The following LY75 variants were observed in gnomAD, a reference collection of about 807,000 sequenced individuals.
LY75 encodes the protein C-type lectin domain family 13 member B.
Under a neutral mutation model 231.7 loss-of-function variants are expected in LY75, and 185 were observed. The ratio of observed to expected loss-of-function variants is 0.80; its 90% CI spans 0.71 to 0.90. The LOEUF is 0.90. LY75 is among the 40% of genes least tolerant of loss of function. The probability of loss-of-function intolerance (pLI) is 0.00; values close to 1 mark genes in which losing one functional copy is unlikely to be tolerated. For missense variants in LY75, 1,947 were observed against 2,050.2 expected (o/e 0.95, Z 0.97); for synonymous variants, 668 against 689.0 (o/e 0.97, Z 0.48).
intron 13 of LY75, among the ~76,000 whole-genome samples, chr2:159,866,388 G>A (rs1684859240): frequency 6.6e-6 from 1 of 151,824 alleles, no homozygotes. Flanking sequence ...CAACCTCAAG[G>A]CTTTTGGACT....
At chr2:159,840,176 A>C (rs1327902482) in intron 25 of LY75, among the ~76,000 whole-genome samples, 4 of 152,060 alleles carry the variant, frequency 2.6e-5, no homozygotes, top group African/African-American at 9.7e-5. Flanking sequence ...ATAAATAAAA[A>C]GAAGTGCTCA....
At chr2:159,880,027 T>C (rs1355874389) in intron 8 of LY75, among the ~76,000 whole-genome samples, 1 of 152,220 alleles carries the variant, frequency 6.6e-6, no homozygotes, top group Non-Finnish European at 1.5e-5. Flanking sequence ...GGAACACTTT[T>C]CCATTTCTGA....
intron 23 of LY75, among the ~76,000 whole-genome samples, chr2:159,846,871 G>A (rs774542134): frequency 1.4e-4 from 22 of 152,104 alleles, no homozygotes; most frequent in Non-Finnish European, 2.9e-4. Context: ...GATGAACTAC[G>A]AATGATTATT....
chr2:159,827,881 C>T (rs1208705005), intron 28 of LY75, among the ~76,000 whole-genome samples: 1 of 152,096 alleles, frequency 6.6e-6, no homozygotes, highest in African/African-American at 2.4e-5. Context: ...ACCGCATGTT[C>T]TCACTCATAA....
In LY75 at chr2:159,842,383, A is replaced by C; in HGVS notation, c.3151-9T>G. 1 of 1,605,492 alleles carries C rather than the reference A, an allele frequency of 6.2e-7. No homozygotes were observed. The highest frequency in any genetic ancestry group is 8.5e-7 in the Non-Finnish European group (1 of 1,175,210). ...GACTCTTCCTCAAAAAACTAAACAA[A>C]AAGGCAAATACATACATGCAATCAT... is the stretch of plus-strand genomic sequence containing the variant. On this transcript the variant is annotated splice_polypyrimidine_tract_variant and intron_variant, in intron 23 of 34. Transcript: ENST00000263636.
chr2:159,884,929 G>A (rs1374720088), intron 6 of LY75, among the ~76,000 whole-genome samples: 4 of 152,008 alleles, frequency 2.6e-5, no homozygotes, highest in East Asian at 1.9e-4. Context: ...TCTTCTGGGC[G>A]CATACATATT....
At chr2:159,825,973 T>G (rs1290075966) in intron 28 of LY75, among the ~76,000 whole-genome samples, 3 of 152,176 alleles carry the variant, frequency 2.0e-5, no homozygotes, top group Non-Finnish European at 4.4e-5. Flanking sequence ...ATAAGAGCTA[T>G]TCATGATAAA....
chr2:159,864,092 A>G (rs75023892), intron 14 of LY75, among the ~76,000 whole-genome samples: 1,677 of 152,272 alleles, frequency 0.011, 20 homozygotes, highest in African/African-American at 0.038. Context: ...GCATTTCTCA[A>G]AATGTATCCC....
chr2:159,814,780 A>G (rs72965390), intron 31 of LY75, among the ~76,000 whole-genome samples: 351 of 152,078 alleles, frequency 2.3e-3, no homozygotes, highest in Non-Finnish European at 3.9e-3. Flanking sequence ...GTGTTCCCCA[A>G]ATTTATATGT....
Position 159,898,873 on chromosome 2 carries a change from T to G in LY75, c.281A>C (p.Glu94Ala). 1 of 1,614,218 alleles carries G rather than the reference T, an allele frequency of 6.2e-7. No homozygotes were observed. The highest frequency in any genetic ancestry group is 8.5e-7 in the Non-Finnish European group (1 of 1,180,036). The change falls in exon 2 of 35, where the codon GAG becomes GCG. Residue 94 changes from glutamate to alanine, a missense_variant. Physicochemically the swap from Glu to Ala is moderately radical, Grantham distance 107 (BLOSUM62 -1). Transcript: ENST00000263636. ...GGAGTCACAGCTGAACATTCTCAGC[T>G]CATTTACCGATTTGGTAATATCGAG... ...LGLDITKSVN[E>A]LRMFSCDSSA...
At chr2:159,903,826 T>C (rs1396669059) in intron 1 of LY75, among the ~76,000 whole-genome samples, 2 of 152,068 alleles carry the variant, frequency 1.3e-5, no homozygotes, top group Non-Finnish European at 2.9e-5. Context: ...GGGTGTGGTG[T>C]GGTGGGGCTG....
At chr2:159,812,869 T>C (rs966005164) in intron 31 of LY75, among the ~76,000 whole-genome samples, 1 of 152,196 alleles carries the variant, frequency 6.6e-6, no homozygotes, top group African/African-American at 2.4e-5. Context: ...ATCTAGTCCC[T>C]GGTAACTGCC....
chr2:159,815,772 T>C (rs1313469261), intron 30 of LY75, among the ~76,000 whole-genome samples, 199 bp from the exon 31 acceptor site: 1 of 152,206 alleles, frequency 6.6e-6, no homozygotes, highest in Non-Finnish European at 1.5e-5. Flanking sequence ...TCTGATACAG[T>C]TTATGGAGAA....
rs753664994 is a variant in LY75, at chr2:159,840,964, A to T, written c.3281-9T>A. The T allele has an allele frequency of 8.7e-6, 14 of 1,611,648 alleles. No individual in the cohort carries two copies. The highest frequency in any genetic ancestry group is 1.0e-5 in the Non-Finnish European group (12 of 1,179,380). ...CTGTCTGCTTTTAACTTCTGCATGT[A>T]AAAGAAAACAACAACAACAACAAAC... On this transcript the variant is annotated splice_polypyrimidine_tract_variant and intron_variant, in intron 24 of 34. Transcript: ENST00000263636.
At chr2:159,812,184 A>G (rs777969795) in intron 31 of LY75, 4 of 150,482 alleles carry the variant, frequency 2.7e-5, no homozygotes, top group Non-Finnish European at 4.4e-5. Context: ...GAACTGCCTT[A>G]TCTTTGGTCT....
At chr2:159,896,803 C>A (rs73000770) in intron 2 of LY75, among the ~76,000 whole-genome samples, 1 of 152,122 alleles carries the variant, frequency 6.6e-6, no homozygotes, top group African/African-American at 2.4e-5. Flanking sequence ...TAGATGGTAC[C>A]AGTCACCCAG....
At chr2:159,822,311 C>A (rs936193072) in intron 28 of LY75, among the ~76,000 whole-genome samples, 1 of 152,218 alleles carries the variant, frequency 6.6e-6, no homozygotes, top group African/African-American at 2.4e-5. Flanking sequence ...GCCAGCATAG[C>A]AGCAGTCTGA....
chr2:159,827,801 T>G (rs1683519558), intron 28 of LY75, among the ~76,000 whole-genome samples: 1 of 152,158 alleles, frequency 6.6e-6, no homozygotes, highest in Admixed American at 6.5e-5. Flanking sequence ...GTTCCTGTCC[T>G]TTGCAGGGAC....
intron 12 of LY75, 75 bp from the exon 13 acceptor site, chr2:159,872,668 TCA>T: frequency 1.3e-6 from 2 of 1,522,158 alleles, no homozygotes; most frequent in Non-Finnish European, 1.8e-6. Context: ...TCAATTACTG[TCA>T]CATGTGTGGG....
Sources: gnomAD v4.1 joint callset for allele counts (sites outside exome capture counted in the v4.1 genomes callset) on GRCh38, gnomAD v4.1.1 for gene constraint, MANE v1.5 for transcripts, NCBI Gene and HGNC (gene_info 2026-07-23, HGNC 2026-07-21) for gene names.